PRMT2: variants seen among roughly 807,000 people sequenced by gnomAD.
PRMT2 encodes the protein protein arginine N-methyltransferase 2.
A neutral mutation model predicts 57.6 loss-of-function variants in PRMT2; 26 were observed. That is an observed-to-expected ratio of 0.45 (90% confidence interval 0.33 to 0.63). The LOEUF (loss-of-function observed/expected upper bound fraction) is 0.63, where lower values mean the gene tolerates loss of function less well. Ranked by LOEUF, PRMT2 falls within the 20% of genes least tolerant of loss-of-function variation. PRMT2 has a pLI of 0.02. For missense variants in PRMT2, 472 were observed against 564.4 expected (o/e 0.84, Z 1.66); for synonymous variants, 219 against 220.0 (o/e 1.00, Z 0.04).
At chr21:46,653,670 G>T in intron 7 of PRMT2, 1 of 1,255,692 alleles carries the variant, frequency 8.0e-7, no homozygotes, top group South Asian at 1.4e-5. Flanking sequence ...TGGAGCTCAT[G>T]TAGATCATTT....
At position 46,661,860 on chromosome 21, in the gene PRMT2, G is replaced by A; in HGVS notation, c.1021G>A (p.Ala341Thr). Residue 341 changes from alanine to threonine, a missense_variant, in exon 10 of 12, where the codon GCC (alanine) becomes ACC (threonine). Ala to Thr is a moderately conservative substitution (Grantham distance 58, BLOSUM62 0). Transcript: ENST00000355680. ...GGCGGGGACCCTGCACGGCTTCACG[G>A]CCTGGTTTAGCGTCCACTTCCAGAG... ...RKAGTLHGFTAWFSVHFQSLQ... is the reference protein window; with the variant it reads ...RKAGTLHGFTTWFSVHFQSLQ... 6.6e-7 allele frequency: 1 copy of A among 1,515,014 alleles called. No individual in the cohort carries two copies. The highest frequency in any genetic ancestry group is 8.9e-7 in the Non-Finnish European group (1 of 1,126,196). The allele number at this position is 1,515,014 out of a possible 1,614,324, so 93.8% of individuals were successfully genotyped here.
intron 8 of PRMT2, chr21:46,659,282 C>A (rs970291348): frequency 3.9e-6 from 4 of 1,019,052 alleles, no homozygotes; most frequent in Non-Finnish European, 4.7e-6. Flanking sequence ...GCGTCAGCGA[C>A]AGACATCCAT....
chr21:46,643,679 A>G, intron 4 of PRMT2, 40 bp downstream of exon 4: 2 of 1,562,010 alleles, frequency 1.3e-6, no homozygotes, highest in Non-Finnish European at 1.7e-6. Context: ...GGCTTTCAGC[A>G]TGTTCAGTGT....
At chr21:46,641,804 C>T (rs766256141) in intron 3 of PRMT2, among the ~76,000 whole-genome samples, 7 of 151,810 alleles carry the variant, frequency 4.6e-5, no homozygotes, top group African/African-American at 1.2e-4. Context: ...TGTGGAAGGC[C>T]GCACACCGGG....
At chr21:46,664,239 T>C (rs2061671305) in intron 11 of PRMT2, 56 bp from the exon 12 acceptor site, 1 of 1,388,868 alleles carries the variant, frequency 7.2e-7, no homozygotes, top group African/African-American at 1.4e-5. Flanking sequence ...GGAAATGTAG[T>C]ATGTTAATCA....
At chr21:46,652,936 AC>A in intron 7 of PRMT2, 1 of 1,298,688 alleles carries the variant, frequency 7.7e-7, no homozygotes, top group South Asian at 1.2e-5. Flanking sequence ...AGCCAGTGGC[AC>A]TGCAGGTGCA....
At chr21:46,650,510 A>T (rs1288573274) in intron 7 of PRMT2, among the ~76,000 whole-genome samples, 1 of 152,190 alleles carries the variant, frequency 6.6e-6, no homozygotes, top group East Asian at 1.9e-4. Context: ...AAATGTAAAT[A>T]GACTCAATGT....
At chr21:46,650,066 C>T (rs903367102) in intron 7 of PRMT2, among the ~76,000 whole-genome samples, 4 of 152,222 alleles carry the variant, frequency 2.6e-5, no homozygotes, top group Admixed American at 6.5e-5. Context: ...GTAGGGCCTT[C>T]GTCCCTGGCC....
Position 46,649,602 on chromosome 21 carries a change from G to A in PRMT2, c.517G>A (p.Ala173Thr). The A allele has an allele frequency of 6.2e-7, 1 of 1,614,120 alleles. No individual in the cohort carries two copies. The highest frequency in any genetic ancestry group is 8.5e-7 in the Non-Finnish European group (1 of 1,180,030). ...AVYAVEASEM[A>T]QHTGQLVLQN... ...GTACGCGGTGGAGGCCAGTGAGATG[G>A]CACAGCACACGGGGCAGCTGGTCCT... The change falls in exon 7 of 12, where the codon GCA becomes ACA. Residue 173 changes from alanine (A) to threonine (T), a missense_variant. Around this residue, in one of 2 missense-constraint regions of PRMT2, gnomAD observed 243 missense variants for 347.2 expected, o/e 0.70. Coordinates refer to ENST00000355680, the MANE Select transcript of PRMT2 (RefSeq NM_206962.4). The surrounding 1 kb of genome is among the most constrained non-coding windows in gnomAD (Gnocchi z 4.8).
chr21:46,638,447 A>G (rs1468599641), intron 3 of PRMT2, among the ~76,000 whole-genome samples: 5 of 152,212 alleles, frequency 3.3e-5, no homozygotes, highest in African/African-American at 9.7e-5. Context: ...ATTTCAAACA[A>G]TGCTGTAGTG....
chr21:46,656,513 GA>G (rs918190641), intron 7 of PRMT2, among the ~76,000 whole-genome samples: 4 of 152,154 alleles, frequency 2.6e-5, no homozygotes, highest in African/African-American at 9.7e-5. Flanking sequence ...ATGGAATGGA[GA>G]CGAGAGATTT....
Position 46,664,507 on chromosome 21 carries a change from C to A in PRMT2, c.*180C>A. 1 of 769,562 alleles carries A rather than the reference C, an allele frequency of 1.3e-6. No individual in the cohort carries two copies. The highest frequency in any genetic ancestry group is 2.2e-6 in the Non-Finnish European group (1 of 462,156). 47.7% of individuals were successfully genotyped at this position (769,562 alleles called of 1,614,324 possible). ...TCCTTCACAGACAAACACGCTTGGGCTCGGCAGGAGCTGCCGTGGCCACCC... is the reference window on the plus strand; with the variant it reads ...TCCTTCACAGACAAACACGCTTGGGATCGGCAGGAGCTGCCGTGGCCACCC... On this transcript the variant is annotated 3_prime_UTR_variant, in exon 12 of 12. Transcript: ENST00000355680.
intron 2 of PRMT2, among the ~76,000 whole-genome samples, 172 bp from the exon 3 acceptor site, chr21:46,636,724 A>C (rs978737520): frequency 6.6e-6 from 1 of 152,242 alleles, no homozygotes. Context: ...TATGATTTTT[A>C]AATGCTTTTG....
chr21:46,643,586 C>T lies in PRMT2; in HGVS notation c.91C>T (p.Gln31Ter). Residue 31 changes from glutamine (Q) to a stop codon, truncating the protein, a stop_gained, in exon 4 of 12, where the codon CAG becomes TAG. Transcript: ENST00000355680. LOFTEE classifies it high-confidence loss of function. ...SEAGLLQEGV[Q>*]PEEFVAIADY... Reference sequence around the variant, plus strand: ...GGCCGGTCTCCTGCAGGAGGGAGTACAGCCAGAGGAGTTTGTGGCCATCGC... The same window carrying T: ...GGCCGGTCTCCTGCAGGAGGGAGTATAGCCAGAGGAGTTTGTGGCCATCGC... 2 of 1,609,732 alleles carry T rather than the reference C, an allele frequency of 1.2e-6. No homozygotes were observed. Among genetic ancestry groups the T allele is most frequent in the Non-Finnish European group, 1.7e-6 (2 of 1,178,690 alleles).
chr21:46,636,859 A>G (rs1244050103), intron 2 of PRMT2, 37 bp from the exon 3 acceptor site: 2 of 1,290,266 alleles, frequency 1.6e-6, no homozygotes, highest in African/African-American at 3.0e-5. Flanking sequence ...AAGCAATGTA[A>G]CAAGTACTTT....
chr21:46,658,799 G>A lies in PRMT2; in HGVS notation c.709G>A (p.Asp237Asn). ...LYARDAWLKEDGVIWPTMAAL... is the reference protein window; with the variant it reads ...LYARDAWLKENGVIWPTMAAL... ...TGCCCGGGATGCCTGGCTGAAGGAG[G>A]ACGGGGTCATTTGGCCCACCATGGC... The change falls in exon 8 of 12, where the codon GAC becomes AAC. Residue 237 changes from aspartate to asparagine, a missense_variant. Asp to Asn is a conservative substitution (Grantham distance 23). Coordinates refer to ENST00000355680, the MANE Select transcript of PRMT2 (RefSeq NM_206962.4). 6.2e-7 allele frequency: 1 copy of A among 1,614,242 alleles called. No individual in the cohort carries two copies. Among genetic ancestry groups the A allele is most frequent in the South Asian group, 1.1e-5 (1 of 91,084 alleles).
In PRMT2 at chr21:46,664,750, A is replaced by C; in HGVS notation, c.*423A>C. On this transcript the variant is annotated 3_prime_UTR_variant, in exon 12 of 12. Coordinates refer to ENST00000355680, the MANE Select transcript of PRMT2 (RefSeq NM_206962.4). ...GTGCCCTTACTGCCGTCGCTCATCCACTCGTGTGGGACGTAGGATTGCACA... is the reference window on the plus strand; with the variant it reads ...GTGCCCTTACTGCCGTCGCTCATCCCCTCGTGTGGGACGTAGGATTGCACA... 2.6e-5 allele frequency: 6 copies of C among 228,868 alleles called. No individual in the cohort carries two copies. Among genetic ancestry groups the C allele is most frequent in the East Asian group, 9.1e-5 (1 of 11,006 alleles). 14.2% of individuals were successfully genotyped at this position (228,868 alleles called of 1,614,324 possible). A position where few individuals can be genotyped will look rare whatever the true frequency, so the allele number is the denominator to read the frequency against.
intron 7 of PRMT2, chr21:46,652,034 C>T: frequency 6.2e-7 from 1 of 1,612,742 alleles, no homozygotes. Flanking sequence ...AGTCTGAAGA[C>T]AGAGAAGAGT....
chr21:46,648,644 CG>C lies in PRMT2; in HGVS notation c.489+28del, dbSNP rs1569155629. 2 of 1,605,236 alleles carry C rather than the reference CG, an allele frequency of 1.2e-6. No individual in the cohort carries two copies. The highest frequency in any genetic ancestry group is 1.7e-6 in the Non-Finnish European group (2 of 1,172,900). ...GGTGAGTGGGGTCTCGAGCGCATCC[CG>C]GGTGTTTGTGCCGAGGCTGGTGACG... On this transcript the variant is annotated intron_variant, in intron 6 of 11. Coordinates refer to ENST00000355680, the MANE Select transcript of PRMT2 (RefSeq NM_206962.4). This position sits in a 1 kb window ranked among gnomAD's most constrained non-coding sequence, Gnocchi z 4.8.
Sources: gnomAD v4.1 joint callset for allele counts (sites outside exome capture counted in the v4.1 genomes callset) on GRCh38, gnomAD v4.1.1 for gene constraint, gnomAD v4.1.1 regional missense constraint, Gnocchi (gnomAD v3.1) non-coding constraint, MANE v1.5 for transcripts, NCBI Gene and HGNC (gene_info 2026-07-23, HGNC 2026-07-21) for gene names.